The following PRKDC variants were observed in gnomAD, a reference collection of about 807,000 sequenced individuals.
The protein encoded by PRKDC is DNA-dependent protein kinase catalytic subunit.
Under a neutral mutation model 486.9 loss-of-function variants are expected in PRKDC, and 82 were observed. The observed-to-expected ratio is 0.17, with a 90% confidence interval of 0.14 to 0.20. The LOEUF is 0.20. Ranked by LOEUF, PRKDC falls within the 10% of genes least tolerant of loss-of-function variation. The pLI is 1.00. For missense variants in PRKDC, 4,504 were observed against 5,038.2 expected (o/e 0.89, Z 3.21); for synonymous variants, 1,895 against 1,837.0 (o/e 1.03, Z -0.81).
intron 63 of PRKDC, 112 bp from the exon 64 acceptor site, chr8:47,824,108 CA>C: frequency 9.2e-7 from 1 of 1,083,690 alleles, no homozygotes; most frequent in Non-Finnish European, 1.2e-6. Context: ...TAACAAGAGA[CA>C]TAAAGTGTTA....
chr8:47,954,458 C>A lies in PRKDC; in HGVS notation c.400-12G>T. 6.7e-6 allele frequency: 7 copies of A among 1,051,788 alleles called. No individual in the cohort carries two copies. The highest frequency in any genetic ancestry group is 9.4e-6 in the Non-Finnish European group (7 of 747,544). The allele number at this position is 1,051,788 out of a possible 1,614,324, so 65.2% of individuals were successfully genotyped here. A position where few individuals can be genotyped will look rare whatever the true frequency, so the allele number is the denominator to read the frequency against. On this transcript the variant is annotated splice_polypyrimidine_tract_variant and intron_variant, in intron 4 of 85. Transcript: ENST00000314191. ...AAAGTCTGAAGTAACTAAAAGAATA[C>A]AAATTAGTACATCAATGTAGTGCGG...
intron 69 of PRKDC, among the ~76,000 whole-genome samples, chr8:47,806,718 G>C (rs1343164874): frequency 6.6e-6 from 1 of 152,132 alleles, no homozygotes; most frequent in Non-Finnish European, 1.5e-5. Context: ...GTAACTAACT[G>C]GTAAGGATTC....
At chr8:47,881,293 C>T (rs1023332774) in intron 38 of PRKDC, 123 bp downstream of exon 38, 51 of 636,922 alleles carry the variant, frequency 8.0e-5, no homozygotes, top group African/African-American at 7.6e-4. Flanking sequence ...GATTACTGTG[C>T]TAGTCTCCCT....
chr8:47,950,678 T>C (rs1202706941), intron 7 of PRKDC, among the ~76,000 whole-genome samples: 4 of 151,820 alleles, frequency 2.6e-5, no homozygotes, highest in Non-Finnish European at 4.4e-5. Flanking sequence ...ATTTGTCCTT[T>C]CAAAAAAAGA....
chr8:47,838,672 G>C (rs766715943), intron 56 of PRKDC, among the ~76,000 whole-genome samples: 9 of 152,162 alleles, frequency 5.9e-5, no homozygotes, highest in Admixed American at 1.3e-4. Context: ...TATTTGGTAA[G>C]AAACACATAT....
chr8:47,803,870 C>T (rs577722606), intron 69 of PRKDC, among the ~76,000 whole-genome samples: 1 of 151,672 alleles, frequency 6.6e-6, no homozygotes, highest in East Asian at 1.9e-4. Context: ...ATCACTTGAA[C>T]CTGGGAGGTT....
intron 40 of PRKDC, among the ~76,000 whole-genome samples, chr8:47,877,441 T>C (rs1464821979): frequency 6.6e-6 from 1 of 152,210 alleles, no homozygotes. Context: ...TGCTTTAAAT[T>C]ACAATAGCAG....
intron 55 of PRKDC, 39 bp downstream of exon 55, chr8:47,839,976 CA>C: frequency 6.8e-7 from 1 of 1,476,640 alleles, no homozygotes. Flanking sequence ...GACCTTATCT[CA>C]AAAAAGTAAC....
chr8:47,863,251 A>G, intron 42 of PRKDC, 148 bp downstream of exon 42: 1 of 589,244 alleles, frequency 1.7e-6, no homozygotes, highest in Non-Finnish European at 2.8e-6. Context: ...CGCCCTAATT[A>G]AAGTTCACCT....
At chr8:47,811,165 A>T (rs1391853105) in intron 68 of PRKDC, among the ~76,000 whole-genome samples, 1 of 152,234 alleles carries the variant, frequency 6.6e-6, no homozygotes, top group Admixed American at 6.5e-5. Flanking sequence ...ATAAAGAAAA[A>T]AAATCTTGAA....
At chr8:47,914,165 T>C (rs1195122760) in intron 23 of PRKDC, 101 bp from the exon 24 acceptor site, 1 of 1,079,292 alleles carries the variant, frequency 9.3e-7, no homozygotes. Context: ...CTGTTCTACA[T>C]TCTATTAAAG....
intron 31 of PRKDC, among the ~76,000 whole-genome samples, chr8:47,892,651 C>A (rs1005015113): frequency 6.6e-6 from 1 of 152,046 alleles, no homozygotes; most frequent in Non-Finnish European, 1.5e-5. Flanking sequence ...TAAATATGTA[C>A]ATCTTTTCAT....
chr8:47,804,331 C>T (rs1475787538), intron 69 of PRKDC, among the ~76,000 whole-genome samples: 15 of 142,228 alleles, frequency 1.1e-4, no homozygotes, highest in Admixed American at 1.0e-3. Context: ...TGGAGTTTCA[C>T]TCTTATTGCC....
chr8:47,936,017 G>C, intron 12 of PRKDC, 117 bp from the exon 13 acceptor site: 1 of 1,015,878 alleles, frequency 9.8e-7, no homozygotes. Flanking sequence ...GAAAAACATG[G>C]TTTGTCATCT....
At chr8:47,895,460 G>A (rs952783977) in intron 30 of PRKDC, among the ~76,000 whole-genome samples, 5 of 152,308 alleles carry the variant, frequency 3.3e-5, no homozygotes, top group South Asian at 2.1e-4. Flanking sequence ...CAACTGAGAA[G>A]AGAACAGCAC....
At chr8:47,817,644 A>AC (rs2087477659) in intron 67 of PRKDC, 83 bp from the exon 68 acceptor site, 1 of 878,284 alleles carries the variant, frequency 1.1e-6, no homozygotes, top group Non-Finnish European at 1.7e-6. Context: ...TAAATAGAAA[A>AC]TTCAAACTTC....
intron 4 of PRKDC, among the ~76,000 whole-genome samples, chr8:47,954,954 G>C (rs2090678095): frequency 1.3e-5 from 2 of 151,834 alleles, no homozygotes. Context: ...AGGAGTTCGA[G>C]ACCAGTGTGA....
At chr8:47,842,344 A>G (rs890872768) in intron 54 of PRKDC, among the ~76,000 whole-genome samples, 5 of 152,140 alleles carry the variant, frequency 3.3e-5, no homozygotes, top group Admixed American at 3.3e-4. Flanking sequence ...CTTAAGCACC[A>G]TATACTGGAT....
At chr8:47,797,061 G>A (rs1043158345) in intron 73 of PRKDC, among the ~76,000 whole-genome samples, 2 of 152,130 alleles carry the variant, frequency 1.3e-5, no homozygotes, top group African/African-American at 4.8e-5. Context: ...AAAACCTGAT[G>A]TGTCTGCAAT....
Sources: allele counts gnomAD v4.1 joint callset (sites outside exome capture counted in the v4.1 genomes callset), GRCh38; gene constraint gnomAD v4.1.1; transcripts MANE v1.5; gene names NCBI Gene and HGNC (gene_info 2026-07-23, HGNC 2026-07-21).